The following REV1 variants were observed in gnomAD, a reference collection of about 807,000 sequenced individuals.
REV1 encodes the protein REV1 DNA directed polymerase, also known as translesion synthesis protein REV1.
A neutral mutation model predicts 137.4 loss-of-function variants in REV1; 42 were observed. The observed-to-expected ratio is 0.31, with a 90% CI of 0.24 to 0.40. REV1 has a LOEUF of 0.40. REV1 is among the 10% of genes least tolerant of loss of function. REV1 has a pLI of 1.00. For missense variants in REV1, 1,282 were observed against 1,490.1 expected (o/e 0.86, Z 2.30); for synonymous variants, 524 against 519.2 (o/e 1.01, Z -0.12).
At chr2:99,427,475 T>C (rs903173596) in intron 9 of REV1, among the ~76,000 whole-genome samples, 2 of 152,190 alleles carry the variant, frequency 1.3e-5, no homozygotes, top group African/African-American at 4.8e-5. Flanking sequence ...TTTGTATTTC[T>C]ACCATTTCAT....
chr2:99,438,569 T>G, intron 6 of REV1, 32 bp downstream of exon 6: 1 of 1,518,382 alleles, frequency 6.6e-7, no homozygotes, highest in Non-Finnish European at 9.1e-7. Context: ...GCATGACTGT[T>G]TCTTAAGAAG....
Position 99,405,958 on chromosome 2 carries a change from A to G in REV1, c.2763T>C (p.Ser921=), listed in dbSNP as rs766793551. Residue 921 remains serine (S), a synonymous_variant, in exon 17 of 23, where the codon AGT becomes AGC. Coordinates refer to ENST00000258428, the MANE Select transcript of REV1 (RefSeq NM_016316.4). ...TACTCAGGTTAAGTCTCGACTGCAC[A>G]CTGACAGGAGTATGTAGACCATTCC... ...GKWNGLHTPV[S]VQSRLNLSIE... is the part of the protein sequence containing the mutation. 6.8e-6 allele frequency: 11 copies of G among 1,612,088 alleles called. No individual in the cohort carries two copies. The highest frequency in any genetic ancestry group is 6.7e-5 in the East Asian group (3 of 44,814).
At chr2:99,433,566 C>CT (rs1375781978) in intron 8 of REV1, among the ~76,000 whole-genome samples, 1 of 152,146 alleles carries the variant, frequency 6.6e-6, no homozygotes, top group African/African-American at 2.4e-5. Context: ...GACAAGGGCA[C>CT]TGAAATAACT....
chr2:99,478,129 G>A (rs139415669), intron 1 of REV1, among the ~76,000 whole-genome samples: 72 of 152,266 alleles, frequency 4.7e-4, no homozygotes, highest in Non-Finnish European at 9.1e-4. Context: ...CCAGCTACTC[G>A]GGAGGCTGAG....
At chr2:99,455,976 A>G (rs1253616077) in intron 3 of REV1, among the ~76,000 whole-genome samples, 2 of 152,170 alleles carry the variant, frequency 1.3e-5, no homozygotes, top group Admixed American at 1.3e-4. Context: ...AGTAGAAAAT[A>G]ACCTGAACAC....
chr2:99,427,272 C>G (rs541733718), intron 9 of REV1, among the ~76,000 whole-genome samples: 58 of 152,240 alleles, frequency 3.8e-4, no homozygotes, highest in African/African-American at 1.3e-3. Context: ...TGGGTCCTTA[C>G]AAAAGCACAA....
intron 10 of REV1, among the ~76,000 whole-genome samples, chr2:99,423,769 T>A (rs956920649): frequency 5.9e-5 from 9 of 152,194 alleles, no homozygotes; most frequent in Non-Finnish European, 1.2e-4. Context: ...TATCAACCCA[T>A]CAGTTCTAAT....
rs115525963 is a variant in REV1 at position 99,487,908 on chromosome 2, C to T, written c.-11+1909G>A. ...CCAAAGGGAATATGTATTTACTGAGCACCTCCTGAGTACCATGGTGTCACT... is the reference window on the plus strand; with the variant it reads ...CCAAAGGGAATATGTATTTACTGAGTACCTCCTGAGTACCATGGTGTCACT... On this transcript the variant is annotated intron_variant, in intron 1 of 22. Coordinates refer to ENST00000258428, the MANE Select transcript of REV1 (RefSeq NM_016316.4). Among the ~76,000 whole-genome samples, 816 of 118,508 alleles carry T rather than the reference C, an allele frequency of 6.9e-3. 228 individuals carry two copies. The highest frequency in any genetic ancestry group is 0.023 in the African/African-American group (771 of 33,146). The allele number at this position is 118,508 out of a possible 152,430, so 77.7% of individuals were successfully genotyped here. A position where few individuals can be genotyped will look rare whatever the true frequency, so the allele number is the denominator to read the frequency against.
chr2:99,429,683 G>A (rs980010385), intron 9 of REV1, among the ~76,000 whole-genome samples, 157 bp downstream of exon 9: 9 of 152,056 alleles, frequency 5.9e-5, no homozygotes, highest in Admixed American at 4.6e-4. Flanking sequence ...GCACTGGTGG[G>A]GGGTTGTGGG....
chr2:99,457,261 T>C (rs1243450779), intron 3 of REV1, among the ~76,000 whole-genome samples: 1 of 152,168 alleles, frequency 6.6e-6, no homozygotes, highest in African/African-American at 2.4e-5. Flanking sequence ...TAAAATGGGA[T>C]ATAAGGTCTG....
At chr2:99,442,837 A>C (rs1481142362) in intron 4 of REV1, among the ~76,000 whole-genome samples, 1 of 152,208 alleles carries the variant, frequency 6.6e-6, no homozygotes, top group Non-Finnish European at 1.5e-5. Context: ...CTGTAAAATA[A>C]AAATATAGGA....
intron 1 of REV1, among the ~76,000 whole-genome samples, chr2:99,469,965 C>CA (rs1267849617): frequency 6.6e-6 from 1 of 151,754 alleles, no homozygotes; most frequent in Non-Finnish European, 1.5e-5. Context: ...ACTAAAAATA[C>CA]AAAAAATTAG....
intron 9 of REV1, among the ~76,000 whole-genome samples, chr2:99,426,464 T>G (rs1679382932): frequency 6.6e-6 from 1 of 152,156 alleles, no homozygotes; most frequent in Admixed American, 6.5e-5. Flanking sequence ...CATTACTTAG[T>G]AAAATATAGT....
At chr2:99,449,121 C>G (rs1186662786) in intron 4 of REV1, among the ~76,000 whole-genome samples, 1 of 151,998 alleles carries the variant, frequency 6.6e-6, no homozygotes, top group African/African-American at 2.4e-5. Context: ...AAAAATCAGC[C>G]AGGTGTGGTG....
rs562326467 is a variant in REV1, at chr2:99,448,612, T to C, written c.350+724A>G. 6.6e-5 allele frequency among the ~76,000 whole-genome samples: 10 copies of C among 152,330 alleles called. 1 individual carries two copies. In the East Asian group the frequency reaches 1.9e-3, roughly 29 times the overall value. On this transcript the variant is annotated intron_variant, in intron 4 of 22. Transcript: ENST00000258428. ...GATGTATTACCATGCTAAAAACCTA[T>C]GTGATAGACAACATGGTATAATGTA...
chr2:99,462,641 TA>T lies in REV1; in HGVS notation c.55-20del. On this transcript the variant is annotated intron_variant, in intron 2 of 22. Transcript: ENST00000258428. ...ACCCACCCTAGAATTAAAGAAAAGG[TA>T]AACCAATCACAAAGGTTACATTTTC... The T allele has an allele frequency of 6.3e-7, 1 of 1,585,394 alleles. No individual in the cohort carries two copies. The highest frequency in any genetic ancestry group is 8.5e-7 in the Non-Finnish European group (1 of 1,173,324).
chr2:99,479,347 A>G lies in REV1; in HGVS notation c.-11+10470T>C, dbSNP rs1395925463. Among the ~76,000 whole-genome samples the G allele has an allele frequency of 4.6e-5, 7 of 151,232 alleles. No homozygotes were observed. The East Asian group carries it at 1.4e-3, about 29-fold the overall frequency. Reference sequence around the variant, plus strand: ...GTCTCAAAAAAAAAAAAAAAAAACAAAAAGATTACAGGCAACAAAATCTCG... The same window carrying G: ...GTCTCAAAAAAAAAAAAAAAAAACAGAAAGATTACAGGCAACAAAATCTCG... On this transcript the variant is annotated intron_variant, in intron 1 of 22. Transcript: ENST00000258428.
chr2:99,437,970 G>A (rs1420522013), intron 6 of REV1, among the ~76,000 whole-genome samples: 2 of 151,810 alleles, frequency 1.3e-5, no homozygotes, highest in African/African-American at 4.8e-5. Flanking sequence ...AATCTCTGAG[G>A]TCTCTCCCCA....
chr2:99,418,761 A>G (rs1678232491), intron 12 of REV1, 67 bp downstream of exon 12: 5 of 1,465,266 alleles, frequency 3.4e-6, no homozygotes, highest in Admixed American at 3.6e-5. Context: ...TCACAGTTCT[A>G]TATTATAGAT....
Sources: allele counts gnomAD v4.1 joint callset (sites outside exome capture counted in the v4.1 genomes callset), GRCh38; gene constraint gnomAD v4.1.1; transcripts MANE v1.5; gene names NCBI Gene and HGNC (gene_info 2026-07-23, HGNC 2026-07-21).